Variants in SYNPO observed in about 807,000 individuals in gnomAD.
SYNPO encodes synaptopodin.
Under a neutral mutation model 49.5 loss-of-function variants are expected in SYNPO, and 19 were observed. The ratio of observed to expected loss-of-function variants is 0.38; its 90% CI spans 0.27 to 0.56. The LOEUF is 0.56. SYNPO is among the 20% of genes least tolerant of loss of function. The probability of loss-of-function intolerance (pLI) is 0.68; values close to 1 mark genes in which losing one functional copy is unlikely to be tolerated. For missense variants in SYNPO, 1,131 were observed against 1,248.3 expected, an observed-to-expected ratio of 0.91 and a Z score of 1.42; for synonymous variants, 536 against 548.0, an observed-to-expected ratio of 0.98 and a Z score of 0.31.
In SYNPO at chr5:150,657,254, C is replaced by G. The variant is rs1253536317; in HGVS notation, c.*167C>G. 2.8e-6 allele frequency: 2 copies of G among 721,390 alleles called. No individual in the cohort carries two copies. Among genetic ancestry groups the G allele is most frequent in the African/African-American group, 1.8e-5 (1 of 56,104 alleles). The allele number at this position is 721,390 out of a possible 1,614,324, so 44.7% of individuals were successfully genotyped here. A position where few individuals can be genotyped will look rare whatever the true frequency, so the allele number is the denominator to read the frequency against. ...TAGGGACGCAAGCTTGAGTTCTAGC[C>G]CTTGCTCTCATTCAGCTGTTGTGTG... On this transcript the variant is annotated 3_prime_UTR_variant, in exon 3 of 3. Transcript: ENST00000307662.
chr5:150,606,241 G>T (rs1365487850), intron 1 of SYNPO, among the ~76,000 whole-genome samples: 1 of 152,188 alleles, frequency 6.6e-6, no homozygotes, highest in African/African-American at 2.4e-5. Context: ...GACAGATGCT[G>T]GGATGGCGTG....
At chr5:150,603,831 G>A (rs1390201265) in intron 1 of SYNPO, among the ~76,000 whole-genome samples, 1 of 152,226 alleles carries the variant, frequency 6.6e-6, no homozygotes, top group African/African-American at 2.4e-5. Flanking sequence ...TCTGGCCCCA[G>A]GAGGCATTGT....
At chr5:150,641,579 G>A (rs1038675981) in intron 1 of SYNPO, among the ~76,000 whole-genome samples, 4 of 152,264 alleles carry the variant, frequency 2.6e-5, no homozygotes, top group South Asian at 2.1e-4. Context: ...CCATCCACAC[G>A]GGCCCCAGTG....
chr5:150,637,135 T>C (rs1275809922), upstream of SYNPO, among the ~76,000 whole-genome samples: 1 of 152,170 alleles, frequency 6.6e-6, no homozygotes, highest in African/African-American at 2.4e-5. Context: ...TTGAATAGGA[T>C]GCCTTGCTGA....
chr5:150,603,881 G>A (rs138728373), intron 1 of SYNPO, among the ~76,000 whole-genome samples: 222 of 152,298 alleles, frequency 1.5e-3, no homozygotes, highest in African/African-American at 5.1e-3. Context: ...GCTGCCCTAG[G>A]ATGAAACAAA....
chr5:150,650,662 C>A, intron 2 of SYNPO: 1 of 1,423,162 alleles, frequency 7.0e-7, no homozygotes, highest in Non-Finnish European at 9.2e-7. Context: ...GAGTCTGATG[C>A]CAGCGTCTTG....
At chr5:150,591,304 A>G in the SYNPO span, among the ~76,000 whole-genome samples, 1 of 152,218 alleles carries the variant, frequency 6.6e-6, no homozygotes, top group African/African-American at 2.4e-5. Flanking sequence ...GCTGTTTTGT[A>G]TAAAGGGGCT....
chr5:150,612,120 G>A (rs115143637), intron 1 of SYNPO, among the ~76,000 whole-genome samples: 3,249 of 152,266 alleles, frequency 0.021, 129 homozygotes, highest in African/African-American at 0.074. Flanking sequence ...AGGTTCGCAA[G>A]GACAACAAAA....
Position 150,648,512 on chromosome 5 carries a change from G to A in SYNPO, c.237G>A (p.Thr79=), listed in dbSNP as rs555455244. 69 of 1,614,096 alleles carry A rather than the reference G, an allele frequency of 4.3e-5. No individual in the cohort carries two copies. The highest frequency in any genetic ancestry group is 2.7e-4 in the East Asian group (12 of 44,884). ...AAAACCTTGCCTCGCCCAGTGCCAC[G>A]CTCACCACACCAACTTCTAACAGCA... ...VNQNLASPSA[T]LTTPTSNSSH... Residue 79 remains threonine, a synonymous_variant, in exon 2 of 3, where the codon ACG becomes ACA. Transcript: ENST00000307662. This position sits in a 1 kb window ranked among gnomAD's most constrained non-coding sequence, Gnocchi z 5.0.
rs201230432 is a variant in SYNPO, at chr5:150,648,846, T to A, written c.571T>A (p.Ser191Thr). 1,225 of 1,614,128 alleles carry A rather than the reference T, an allele frequency of 7.6e-4. 9 individuals are homozygous for A. The highest frequency in any genetic ancestry group is 6.0e-3 in the South Asian group (543 of 91,072). Reference protein sequence around the residue: ...RPPASDFMSSSLLIDIQPNTL... With the variant: ...RPPASDFMSSTLLIDIQPNTL... ...CCCAGCCTCAGATTTCATGTCCAGC[T>A]CCCTGCTCATTGACATCCAGCCCAA... The change falls in exon 2 of 3, where the codon TCC becomes ACC. Residue 191 changes from serine (S) to threonine (T), a missense_variant. Ser to Thr is a moderately conservative substitution (Grantham distance 58, BLOSUM62 1). This residue lies in a region of SYNPO where 602 missense variants were observed against 720.7 expected (regional missense o/e 0.84). Transcript: ENST00000307662. The surrounding 1 kb of genome is among the most constrained non-coding windows in gnomAD (Gnocchi z 5.0).
intron 2 of SYNPO, chr5:150,652,424 G>A: frequency 1.0e-6 from 1 of 985,286 alleles, no homozygotes; most frequent in Non-Finnish European, 1.2e-6. Flanking sequence ...AGTGGAGTGG[G>A]CCTGCTCAAT....
chr5:150,617,849 T>C (rs897098830), intron 1 of SYNPO, among the ~76,000 whole-genome samples: 2 of 152,226 alleles, frequency 1.3e-5, no homozygotes, highest in African/African-American at 4.8e-5. Flanking sequence ...TCTAAAGTAA[T>C]AGAAGTAAGT....
chr5:150,645,181 C>A (rs1337893696), intron 1 of SYNPO, among the ~76,000 whole-genome samples: 2 of 152,184 alleles, frequency 1.3e-5, no homozygotes. Context: ...TGTCAGAATT[C>A]TTCCAGCTCT....
At chr5:150,636,517 C>T (rs1757720220), upstream of SYNPO, among the ~76,000 whole-genome samples, 1 of 152,192 alleles carries the variant, frequency 6.6e-6, no homozygotes, top group Non-Finnish European at 1.5e-5. Flanking sequence ...ACCCTGGAAC[C>T]AAATCTCCTG....
At chr5:150,651,736 G>A (rs1758394458) in intron 2 of SYNPO, 1 of 1,000,480 alleles carries the variant, frequency 1.0e-6, no homozygotes. Context: ...CTTGAGACCT[G>A]GATTCTAACA....
intron 2 of SYNPO, among the ~76,000 whole-genome samples, chr5:150,623,579 C>T (rs908952223): frequency 7.9e-5 from 12 of 151,956 alleles, no homozygotes; most frequent in African/African-American, 2.2e-4. Context: ...AGCAGCCACA[C>T]GATCAGAGGA....
At position 150,656,807 on chromosome 5, in the gene SYNPO, G is replaced by A; in HGVS notation, c.2432G>A (p.Gly811Asp). 1.4e-6 allele frequency: 2 copies of A among 1,423,668 alleles called. No homozygotes were observed. The highest frequency in any genetic ancestry group is 1.3e-5 in the South Asian group (1 of 76,118). The allele number at this position is 1,423,668 out of a possible 1,614,324, so 88.2% of individuals were successfully genotyped here. Residue 811 changes from glycine (G) to aspartate (D), a missense_variant, in exon 3 of 3, where the codon GGC (glycine) becomes GAC (aspartate). Gly to Asp is a moderately conservative substitution (Grantham distance 94). This residue lies in a region of SYNPO where 509 missense variants were observed against 484.5 expected (regional missense o/e 1.05). Transcript: ENST00000307662. ...CGCTCGCCACAGCCCGCCCGCCCCG[G>A]CTCGGCTGCTGTGCCGGGGGCAGCC... ...RMRSPQPARP[G>D]SAAVPGAAFA...
Position 150,656,624 on chromosome 5 carries a change from G to A in SYNPO, c.2249G>A (p.Ser750Asn). ...LRPETEARPPSRQLQALLARN... is the reference protein window; with the variant it reads ...LRPETEARPPNRQLQALLARN... The stretch of plus-strand genomic sequence containing the variant: ...CCTGAGACCGAGGCGCGGCCCCCCA[G>A]CCGCCAGCTGCAGGCGCTTCTGGCG... The change falls in exon 3 of 3, where the codon AGC (serine) becomes AAC (asparagine). Residue 750 changes from serine to asparagine, a missense_variant. By Grantham distance (46) the Ser-to-Asn change is conservative (BLOSUM62 1). Around this residue, in one of 4 missense-constraint regions of SYNPO, gnomAD observed 509 missense variants for 484.5 expected, o/e 1.05. Coordinates refer to ENST00000307662, the MANE Select transcript of SYNPO (RefSeq NM_007286.6). 6.6e-7 allele frequency: 1 copy of A among 1,511,000 alleles called. No individual in the cohort carries two copies. The allele number at this position is 1,511,000 out of a possible 1,614,324, so 93.6% of individuals were successfully genotyped here.
rs373377719 is a variant in SYNPO, at chr5:150,650,060, C to T, written c.1785C>T (p.Ser595=). The T allele has an allele frequency of 3.1e-6, 5 of 1,613,206 alleles. No individual in the cohort carries two copies. The highest frequency in any genetic ancestry group is 1.6e-4 in the Middle Eastern group (1 of 6,084). Residue 595 remains serine (S), a synonymous_variant, in exon 2 of 3, where the codon TCC becomes TCT. Transcript: ENST00000307662. ...CTGCCTCGCCCGCCAAGCCCAGCTC[C>T]TTGGACCTGGTGCCCAACCTGCCCA... is the stretch of plus-strand genomic sequence containing the variant. The part of the protein sequence containing the change: ...PRAASPAKPS[S]LDLVPNLPKG...
Sources: gnomAD v4.1 joint callset for allele counts (sites outside exome capture counted in the v4.1 genomes callset) on GRCh38, gnomAD v4.1.1 for gene constraint, gnomAD v4.1.1 regional missense constraint, Gnocchi (gnomAD v3.1) non-coding constraint, MANE v1.5 for transcripts, NCBI Gene and HGNC (gene_info 2026-07-23, HGNC 2026-07-21) for gene names.